PCP2: variants seen among roughly 807,000 people sequenced by gnomAD.
PCP2 encodes Purkinje cell protein 2, also known as Purkinje cell protein 2 homolog.
A neutral mutation model predicts 18.3 loss-of-function variants in PCP2; 21 were observed. The ratio of observed to expected loss-of-function variants is 1.14; its 90% CI spans 0.81 to 1.65. The LOEUF (loss-of-function observed/expected upper bound fraction) is 1.65, where lower values mean the gene tolerates loss of function less well. PCP2 is among the 40% of genes most tolerant of loss of function. PCP2 has a pLI of 0.00. For missense variants in PCP2, 202 were observed against 201.8 expected (o/e 1.00, Z 0.00); for synonymous variants, 85 against 77.6 (o/e 1.10, Z -0.50).
intron 3 of PCP2, 163 bp from the exon 4 acceptor site, chr19:7,631,971 T>C: frequency 5.7e-6 from 4 of 706,896 alleles, no homozygotes; most frequent in Non-Finnish European, 8.2e-6. Context: ...GGCATTTGAG[T>C]GTGAGGTGGC....
rs755967868 is a variant in PCP2 at position 7,632,564 on chromosome 19, C to T, written c.167-47G>A. On this transcript the variant is annotated intron_variant, in intron 2 of 3. Transcript: ENST00000311069. The surrounding 1 kb of genome is among the most constrained non-coding windows in gnomAD (Gnocchi z 5.2). ...TGGGAGGACACAGCCGGAGTGGGGG[C>T]CCCCAACCCTACCCCTTCACCCCCA... 18 of 1,604,864 alleles carry T rather than the reference C, an allele frequency of 1.1e-5. No individual in the cohort carries two copies. The South Asian group carries it at 2.0e-4, about 18-fold the overall frequency.
chr19:7,636,512 C>T (rs549309025), upstream of PCP2: 2 of 152,306 alleles, frequency 1.3e-5, no homozygotes, highest in South Asian at 2.1e-4. Flanking sequence ...GGGACAGGCT[C>T]CTGGCTTGAA....
At chr19:7,634,145 C>T (rs147026982), upstream of PCP2, among the ~76,000 whole-genome samples, 10 of 152,332 alleles carry the variant, frequency 6.6e-5, no homozygotes, top group East Asian at 1.5e-3. Flanking sequence ...TATCTCCTCT[C>T]CTCTATCACC....
At chr19:7,636,328 A>T (rs934503426), upstream of PCP2, 3 of 152,156 alleles carry the variant, frequency 2.0e-5, no homozygotes, top group African/African-American at 7.2e-5. Context: ...CTTCCAAGCG[A>T]CAGGACACAC....
Position 7,632,336 on chromosome 19 carries a change from G to C in PCP2, c.291+57C>G. ...TCCCTCCTGGCTGGGGTGGAGGGCAGGATCGGAGAGCACTGCCTGGCGGGT... is the reference window on the plus strand; with the variant it reads ...TCCCTCCTGGCTGGGGTGGAGGGCACGATCGGAGAGCACTGCCTGGCGGGT... On this transcript the variant is annotated intron_variant, in intron 3 of 3. Coordinates refer to ENST00000311069, the MANE Select transcript of PCP2 (RefSeq NM_174895.3). This position sits in a 1 kb window ranked among gnomAD's most constrained non-coding sequence, Gnocchi z 5.2. 6.2e-7 allele frequency: 1 copy of C among 1,603,748 alleles called. No homozygotes were observed. The highest frequency in any genetic ancestry group is 8.5e-7 in the Non-Finnish European group (1 of 1,175,546).
In PCP2 at chr19:7,633,644, G is replaced by A. The variant is rs1002117633; in HGVS notation, c.-187C>T. 1.3e-5 allele frequency: 8 copies of A among 619,504 alleles called. No homozygotes were observed. Among genetic ancestry groups the A allele is most frequent in the East Asian group, 1.2e-4 (4 of 34,004 alleles). The allele number at this position is 619,504 out of a possible 1,614,324, so 38.4% of individuals were successfully genotyped here. ...ATCCAGATAATTGTTTGCCCACAAC[G>A]ATGCTGGATCTGGCATGGTGGGTAG... On this transcript the variant is annotated 5_prime_UTR_variant, in exon 1 of 4. Transcript: ENST00000311069.
At chr19:7,635,742 A>G (rs968462570), upstream of PCP2, among the ~76,000 whole-genome samples, 1 of 152,130 alleles carries the variant, frequency 6.6e-6, no homozygotes, top group Non-Finnish European at 1.5e-5. Context: ...AGAAGAAGGA[A>G]GAAAGGAAGG....
At position 7,631,790 on chromosome 19, in the gene PCP2, C is replaced by G; in HGVS notation, c.310G>C (p.Ala104Pro). The G allele has an allele frequency of 7.0e-7, 1 of 1,422,114 alleles. No individual in the cohort carries two copies. Among genetic ancestry groups the G allele is most frequent in the East Asian group, 2.6e-5 (1 of 38,246 alleles). 88.1% of individuals were successfully genotyped at this position (1,422,114 alleles called of 1,614,324 possible). A position where few individuals can be genotyped will look rare whatever the true frequency, so the allele number is the denominator to read the frequency against. The change falls in exon 4 of 4, where the codon GCT (alanine) becomes CCT (proline). Residue 104 changes from alanine to proline, a missense_variant. By Grantham distance (27) the Ala-to-Pro change is conservative. Transcript: ENST00000311069. ...AGGGGTTGGGGACTGAGGGTCCCAGCTCGTTTCTGTGCTCCGTCCTGTGGA... is the reference window on the plus strand; with the variant it reads ...AGGGGTTGGGGACTGAGGGTCCCAGGTCGTTTCTGTGCTCCGTCCTGTGGA... ...VGSKDGAQKRAGTLSPQPLLT... is the reference protein window; with the variant it reads ...VGSKDGAQKRPGTLSPQPLLT...
chr19:7,632,807 G>A lies in PCP2; in HGVS notation c.75C>T (p.Gly25=). Reference sequence around the variant, plus strand: ...GCACGTGGCTCAGCAGATTGAAGAAGCCCTCCTGGTCTGGGGAGCCCGCCT... The same window carrying A: ...GCACGTGGCTCAGCAGATTGAAGAAACCCTCCTGGTCTGGGGAGCCCGCCT... ...CAEAGSPDQE[G]FFNLLSHVQG... is the part of the protein sequence containing the mutation. The change falls in exon 2 of 4, where the codon GGC becomes GGT. Residue 25 remains glycine (G), a synonymous_variant. Coordinates refer to ENST00000311069, the MANE Select transcript of PCP2 (RefSeq NM_174895.3). This position sits in a 1 kb window ranked among gnomAD's most constrained non-coding sequence, Gnocchi z 5.2. 27 of 1,558,710 alleles carry A rather than the reference G, an allele frequency of 1.7e-5. No homozygotes were observed. The highest frequency in any genetic ancestry group is 2.3e-5 in the Non-Finnish European group (27 of 1,154,320).
In PCP2 at chr19:7,632,416, C is replaced by T. The variant is rs142018557; in HGVS notation, c.268G>A (p.Gly90Ser). The T allele has an allele frequency of 9.2e-5, 148 of 1,613,920 alleles. No homozygotes were observed. The highest frequency in any genetic ancestry group is 8.0e-4 in the Admixed American group (48 of 60,008). The change falls in exon 3 of 4, where the codon GGC (glycine) becomes AGC (serine). Residue 90 changes from glycine (G) to serine (S), a missense_variant. By Grantham distance (56) the Gly-to-Ser change is moderately conservative. Coordinates refer to ENST00000311069, the MANE Select transcript of PCP2 (RefSeq NM_174895.3). The surrounding 1 kb of genome is among the most constrained non-coding windows in gnomAD (Gnocchi z 5.2). ...ACCTTGGACCCCACGGGCTGGAAGC[C>T]GGGCAGGCTGCTGACTGTCACACGT... ...DQRVTVSSLP[G>S]FQPVGSKDGA...
intron 1 of PCP2, 58 bp downstream of exon 1, chr19:7,633,349 T>C (rs2031411430): frequency 6.9e-7 from 1 of 1,448,226 alleles, no homozygotes; most frequent in Non-Finnish European, 9.5e-7. Flanking sequence ...ACTAGTCTTG[T>C]CAATCATGGG....
rs757415404 is a variant in PCP2 at position 7,631,654 on chromosome 19, T to G, written c.*35A>C. On this transcript the variant is annotated 3_prime_UTR_variant, in exon 4 of 4. Transcript: ENST00000311069. ...AGTGTTTTATTCTTTTATCAGTTTTTGGGGGCCGAGTGAGACCCAGGATGC... is the reference window on the plus strand; with the variant it reads ...AGTGTTTTATTCTTTTATCAGTTTTGGGGGGCCGAGTGAGACCCAGGATGC... The G allele has an allele frequency of 1.2e-5, 17 of 1,455,056 alleles. No individual in the cohort carries two copies. Among genetic ancestry groups the G allele is most frequent in the Middle Eastern group, 1.8e-4 (1 of 5,476 alleles). 90.1% of individuals were successfully genotyped at this position (1,455,056 alleles called of 1,614,324 possible). A position where few individuals can be genotyped will look rare whatever the true frequency, so the allele number is the denominator to read the frequency against.
chr19:7,632,772 C>G lies in PCP2; in HGVS notation c.110G>C (p.Arg37Pro). The change falls in exon 2 of 4, where the codon CGG becomes CCG. Residue 37 changes from arginine (R) to proline (P), a missense_variant. Arg to Pro is a moderately radical substitution (Grantham distance 103, BLOSUM62 -2). Coordinates refer to ENST00000311069, the MANE Select transcript of PCP2 (RefSeq NM_174895.3). The surrounding 1 kb of genome is among the most constrained non-coding windows in gnomAD (Gnocchi z 5.2). ...FNLLSHVQGDRMEGQRCSLQA... is the reference protein window; with the variant it reads ...FNLLSHVQGDPMEGQRCSLQA... ...CAGTGAACAGCGCTGTCCCTCCATC[C>G]GGTCGCCCTGCACGTGGCTCAGCAG... 2 of 1,568,094 alleles carry G rather than the reference C, an allele frequency of 1.3e-6. No individual in the cohort carries two copies. The highest frequency in any genetic ancestry group is 1.7e-6 in the Non-Finnish European group (2 of 1,160,470).
In PCP2 at chr19:7,633,554, C is replaced by G; in HGVS notation, c.-97G>C. On this transcript the variant is annotated 5_prime_UTR_variant, in exon 1 of 4. Coordinates refer to ENST00000311069, the MANE Select transcript of PCP2 (RefSeq NM_174895.3). ...CCAGGACGTGGGGGTGTGGATTCCC[C>G]CCATCCCCAAATCCCCAGCTCATGC... The G allele has an allele frequency of 8.2e-7, 1 of 1,223,816 alleles. No homozygotes were observed. The highest frequency in any genetic ancestry group is 2.5e-5 in the East Asian group (1 of 39,288). The allele number at this position is 1,223,816 out of a possible 1,614,324, so 75.8% of individuals were successfully genotyped here.
At chr19:7,635,023 G>A (rs187942417), upstream of PCP2, among the ~76,000 whole-genome samples, 3 of 152,352 alleles carry the variant, frequency 2.0e-5, no homozygotes, top group East Asian at 5.8e-4. Flanking sequence ...GTGACCTCAT[G>A]CTCACTGCTA....
upstream of PCP2, among the ~76,000 whole-genome samples, chr19:7,634,645 C>G (rs1173608592): frequency 6.6e-6 from 1 of 152,346 alleles, no homozygotes; most frequent in East Asian, 1.9e-4. Context: ...GCTGGGATTA[C>G]AGGCATGAGC....
upstream of PCP2, among the ~76,000 whole-genome samples, chr19:7,635,553 G>A (rs1007979457): frequency 1.3e-5 from 2 of 151,910 alleles, no homozygotes; most frequent in East Asian, 1.9e-4. Context: ...AAAATCAACC[G>A]GGCACGGTGG....
upstream of PCP2, chr19:7,636,978 C>T (rs1259674303): frequency 2.9e-6 from 2 of 681,236 alleles, no homozygotes; most frequent in Non-Finnish European, 4.1e-6. Context: ...GCCCGTCCTC[C>T]CCGCCAGGGA....
intron 1 of PCP2, chr19:7,633,067 C>T (rs1450057402): frequency 5.2e-6 from 7 of 1,343,896 alleles, no homozygotes; most frequent in Non-Finnish European, 5.9e-6. Flanking sequence ...CACGTGGTAC[C>T]GCTTCAAGGG....
Sources: allele counts gnomAD v4.1 joint callset (sites outside exome capture counted in the v4.1 genomes callset), GRCh38; gene constraint gnomAD v4.1.1; non-coding constraint Gnocchi (gnomAD v3.1); transcripts MANE v1.5; gene names NCBI Gene and HGNC (gene_info 2026-07-23, HGNC 2026-07-21).